PTPRM: variants seen among roughly 807,000 people sequenced by gnomAD.
PTPRM encodes receptor-type tyrosine-protein phosphatase mu.
Under a neutral mutation model 186.7 loss-of-function variants are expected in PTPRM, and 47 were observed. The observed-to-expected ratio is 0.25, with a 90% confidence interval of 0.20 to 0.32. The LOEUF is 0.32. Among genes scored for constraint, PTPRM ranks in the 10% least tolerant of loss-of-function variants. The pLI is 1.00. For synonymous variants in PTPRM, 668 were observed against 674.9 expected (o/e 0.99, Z 0.16); for missense variants, 1,494 against 1,865.0 (o/e 0.80, Z 3.66).
intron 2 of PTPRM, among the ~76,000 whole-genome samples, chr18:7,779,066 T>A (rs2042729791): frequency 6.6e-6 from 1 of 152,304 alleles, no homozygotes; most frequent in East Asian, 1.9e-4. Context: ...AATGTAACCC[T>A]GTCTTATAAA....
rs1019739762 is a variant in PTPRM at position 8,101,292 on chromosome 18, G to A, written c.1857-12194G>A. On this transcript the variant is annotated intron_variant, in intron 11 of 32. Coordinates refer to ENST00000580170, the MANE Select transcript of PTPRM (RefSeq NM_001105244.2). ...AGCTGGGAGAATTAGTGACCTGTAA[G>A]CAAAGCAGTCAGGACAGCATCAAAC... Among the ~76,000 whole-genome samples, 13 of 152,316 alleles carry A rather than the reference G, an allele frequency of 8.5e-5. 1 individual carries two copies. Among genetic ancestry groups the A allele is most frequent in the South Asian group, 4.1e-4 (2 of 4,826 alleles).
At chr18:7,836,250 G>A (rs1246017908) in intron 2 of PTPRM, among the ~76,000 whole-genome samples, 1 of 151,986 alleles carries the variant, frequency 6.6e-6, no homozygotes, top group Non-Finnish European at 1.5e-5. Flanking sequence ...TTTTGTGTGT[G>A]TGTAAACATT....
Position 8,257,283 on chromosome 18 carries a change from C to T in PTPRM, c.2754+3869C>T, listed in dbSNP as rs963665058. 2.6e-5 allele frequency among the ~76,000 whole-genome samples: 4 copies of T among 152,254 alleles called. No individual in the cohort carries two copies. The East Asian group carries it at 7.7e-4, about 29-fold the overall frequency. On this transcript the variant is annotated intron_variant, in intron 19 of 32. Transcript: ENST00000580170. The stretch of plus-strand genomic sequence containing the variant: ...AGGAAATGGCAGGAGTTCTATATGC[C>T]TGAGTCCCAGGACGGGCTGGTCTGT...
At chr18:8,281,290 G>T (rs1368029537) in intron 19 of PTPRM, among the ~76,000 whole-genome samples, 1 of 152,134 alleles carries the variant, frequency 6.6e-6, no homozygotes, top group Non-Finnish European at 1.5e-5. Context: ...TTGGGTTCTT[G>T]GACATCCTGG....
intron 7 of PTPRM, among the ~76,000 whole-genome samples, chr18:8,041,737 G>T (rs2148168970): frequency 6.6e-6 from 1 of 152,308 alleles, no homozygotes; most frequent in Middle Eastern, 3.4e-3. Context: ...GGCACCTAGG[G>T]TGCAGTGGGG....
intron 1 of PTPRM, among the ~76,000 whole-genome samples, chr18:7,612,350 T>G (rs1242457096): frequency 6.6e-6 from 1 of 152,170 alleles, no homozygotes; most frequent in Non-Finnish European, 1.5e-5. Context: ...TTATTCTGCT[T>G]GAGAAATCTT....
intron 7 of PTPRM, among the ~76,000 whole-genome samples, chr18:8,014,058 T>C (rs947111534): frequency 9.9e-5 from 15 of 152,176 alleles, no homozygotes; most frequent in African/African-American, 3.6e-4. Flanking sequence ...TTCCAGTTTT[T>C]TCTCTCTTTT....
intron 23 of PTPRM, among the ~76,000 whole-genome samples, chr18:8,363,890 T>C (rs558053711): frequency 6.6e-6 from 1 of 152,318 alleles, no homozygotes; most frequent in African/African-American, 2.4e-5. Context: ...AAAACCAGCG[T>C]TGTGGGTACA....
chr18:8,311,689 T>G (rs1363829320), intron 20 of PTPRM, among the ~76,000 whole-genome samples: 1 of 152,224 alleles, frequency 6.6e-6, no homozygotes, highest in African/African-American at 2.4e-5. Flanking sequence ...CTTACAGGTT[T>G]CTCCATCCTG....
chr18:7,674,965 T>C (rs1441004757), intron 1 of PTPRM, among the ~76,000 whole-genome samples: 1 of 152,226 alleles, frequency 6.6e-6, no homozygotes, highest in Non-Finnish European at 1.5e-5. Flanking sequence ...GCCGACTCTT[T>C]CCTTAAAGTG....
intron 17 of PTPRM, among the ~76,000 whole-genome samples, chr18:8,249,331 T>G (rs2094506364): frequency 6.6e-6 from 1 of 152,168 alleles, no homozygotes; most frequent in Non-Finnish European, 1.5e-5. Context: ...AGATAGAACT[T>G]TAAGAATGGA....
At chr18:7,938,638 A>C (rs545147796) in intron 5 of PTPRM, among the ~76,000 whole-genome samples, 1 of 152,328 alleles carries the variant, frequency 6.6e-6, no homozygotes, top group South Asian at 2.1e-4. Flanking sequence ...TTTATTAGGT[A>C]TATTCTATAT....
intron 2 of PTPRM, among the ~76,000 whole-genome samples, chr18:7,855,187 A>G (rs920567288): frequency 1.3e-5 from 2 of 152,202 alleles, no homozygotes; most frequent in East Asian, 1.9e-4. Flanking sequence ...ACACTCTTAC[A>G]TTGTTATTAT....
chr18:7,621,843 G>A (rs1405436289), intron 1 of PTPRM, among the ~76,000 whole-genome samples: 1 of 152,090 alleles, frequency 6.6e-6, no homozygotes, highest in East Asian at 1.9e-4. Flanking sequence ...TCATCTGTAT[G>A]TACCACAGTT....
chr18:7,888,625 G>T (rs2048905566), intron 3 of PTPRM, among the ~76,000 whole-genome samples: 1 of 152,068 alleles, frequency 6.6e-6, no homozygotes, highest in African/African-American at 2.4e-5. Context: ...TCCCATTACT[G>T]GGTATATAAC....
intron 7 of PTPRM, among the ~76,000 whole-genome samples, chr18:7,973,217 A>G (rs945090717): frequency 2.6e-5 from 4 of 152,074 alleles, no homozygotes; most frequent in Non-Finnish European, 5.9e-5. Context: ...ATAGTATACA[A>G]TTATTTCGAT....
chr18:7,672,468 C>T (rs1355748077), intron 1 of PTPRM, among the ~76,000 whole-genome samples: 1 of 152,044 alleles, frequency 6.6e-6, no homozygotes, highest in Non-Finnish European at 1.5e-5. Context: ...AATTTTTATA[C>T]CTGGAACCCC....
At chr18:8,118,087 A>G (rs937620461) in intron 13 of PTPRM, among the ~76,000 whole-genome samples, 5 of 152,228 alleles carry the variant, frequency 3.3e-5, no homozygotes, top group Non-Finnish European at 7.3e-5. Flanking sequence ...TGTAGGGTAC[A>G]CTAAAAAATC....
chr18:7,735,590 AT>A (rs2040752341), intron 1 of PTPRM, among the ~76,000 whole-genome samples: 1 of 152,158 alleles, frequency 6.6e-6, no homozygotes, highest in South Asian at 2.1e-4. Context: ...TACCTAAAAA[AT>A]ATACCTAAAA....
Sources: allele counts gnomAD v4.1 joint callset (sites outside exome capture counted in the v4.1 genomes callset), GRCh38; gene constraint gnomAD v4.1.1; transcripts MANE v1.5; gene names NCBI Gene and HGNC (gene_info 2026-07-23, HGNC 2026-07-21).